Variants in ERICH1 observed in about 807,000 individuals in gnomAD.
The protein encoded by ERICH1 is glutamate rich 1, also known as glutamate-rich protein 1.
A neutral mutation model predicts 39.6 loss-of-function variants in ERICH1; 56 were observed. The ratio of observed to expected loss-of-function variants is 1.41; its 90% CI spans 1.14 to 1.77. The LOEUF (loss-of-function observed/expected upper bound fraction) is 1.77. Among genes scored for constraint, ERICH1 ranks in the 40% most tolerant of loss-of-function variants. ERICH1 has a pLI of 0.00. For missense variants in ERICH1, 826 were observed against 575.4 expected (o/e 1.44, Z -4.45); for synonymous variants, 313 against 223.6 (o/e 1.40, Z -3.57).
chr8:645,670 A>G lies in ERICH1; in HGVS notation c.976+22928T>C, dbSNP rs1486496746. 2.6e-4 allele frequency among the ~76,000 whole-genome samples: 18 copies of G among 68,032 alleles called. 6 individuals carry two copies. The highest frequency in any genetic ancestry group is 6.6e-4 in the African/African-American group (18 of 27,078). 44.6% of individuals were successfully genotyped at this position (68,032 alleles called of 152,430 possible). A position where few individuals can be genotyped will look rare whatever the true frequency, so the allele number is the denominator to read the frequency against. ...CCGTGGAGGCTTGGGAGTTGGCAGA[A>G]TTTGTATTTCTGTAATTTTGCTTTG... On this transcript the variant is annotated intron_variant, in intron 3 of 3. Transcript: ENST00000522706.
chr8:656,241 G>C (rs1469742113), intron 3 of ERICH1, among the ~76,000 whole-genome samples: 2 of 152,080 alleles, frequency 1.3e-5, no homozygotes, highest in Non-Finnish European at 2.9e-5. Flanking sequence ...CTCCCGTCTG[G>C]GTGCTCAGTG....
At chr8:627,298 C>A in intron 3 of ERICH1, 1 of 434,502 alleles carries the variant, frequency 2.3e-6, no homozygotes, top group Non-Finnish European at 4.8e-6. Flanking sequence ...TATAACAGGC[C>A]AGGGGCTGGC....
chr8:658,222 G>T (rs1800918288), intron 3 of ERICH1, among the ~76,000 whole-genome samples: 1 of 152,212 alleles, frequency 6.6e-6, no homozygotes, highest in Non-Finnish European at 1.5e-5. Context: ...GGAGGGCCCA[G>T]CCTGGCCCCT....
In ERICH1 at chr8:674,501, G is replaced by A. The variant is rs565289632; in HGVS notation, c.305-454C>T. Among the ~76,000 whole-genome samples the A allele has an allele frequency of 8.4e-4, 127 of 151,990 alleles. 1 individual carries two copies. The highest frequency in any genetic ancestry group is 3.4e-3 in the Middle Eastern group (1 of 294). On this transcript the variant is annotated intron_variant, in intron 3 of 5. Transcript: ENST00000262109. ...TTATTTTCAGTAGAGACGGGGTTTCGCCATGTTGGCCAGGGTTGTCTCAAA... is the reference window on the plus strand; with the variant it reads ...TTATTTTCAGTAGAGACGGGGTTTCACCATGTTGGCCAGGGTTGTCTCAAA...
chr8:615,918 G>C (rs1460586924), intron 3 of ERICH1: 1 of 152,548 alleles, frequency 6.6e-6, no homozygotes, highest in East Asian at 1.9e-4. Flanking sequence ...GCAGCACAGA[G>C]AACCTAGGGA....
At chr8:629,253 G>C (rs1379009862) in intron 3 of ERICH1, among the ~76,000 whole-genome samples, 1 of 152,180 alleles carries the variant, frequency 6.6e-6, no homozygotes, top group Non-Finnish European at 1.5e-5. Context: ...CCAGGATGCA[G>C]GTGGAACACA....
chr8:660,928 G>A (rs1234722535), downstream of ERICH1, among the ~76,000 whole-genome samples: 1 of 152,102 alleles, frequency 6.6e-6, no homozygotes, highest in Non-Finnish European at 1.5e-5. Flanking sequence ...GTCCTGGGCG[G>A]TTCTCAGGCT....
chr8:674,373 G>A (rs1225991341), intron 3 of ERICH1, among the ~76,000 whole-genome samples: 2 of 149,310 alleles, frequency 1.3e-5, no homozygotes, highest in Non-Finnish European at 3.0e-5. Flanking sequence ...AACAATCTCG[G>A]CTCACTGCAA....
At chr8:675,092 C>G (rs1228558437) in intron 3 of ERICH1, among the ~76,000 whole-genome samples, 1 of 152,110 alleles carries the variant, frequency 6.6e-6, no homozygotes, top group Non-Finnish European at 1.5e-5. Flanking sequence ...ATGGCAGTCT[C>G]AACACCTCAG....
intron 1 of ERICH1, among the ~76,000 whole-genome samples, chr8:724,137 T>G (rs1350292049): frequency 1.3e-5 from 2 of 152,222 alleles, no homozygotes; most frequent in East Asian, 3.9e-4. Context: ...ATGACCGATC[T>G]GACATGGGAT....
At chr8:624,306 T>G (rs1399279426) in intron 3 of ERICH1, among the ~76,000 whole-genome samples, 1 of 152,186 alleles carries the variant, frequency 6.6e-6, no homozygotes. Context: ...AAATGCATAC[T>G]TTCCTGATAA....
At chr8:719,643 C>A (rs75777967) in intron 1 of ERICH1, among the ~76,000 whole-genome samples, 2 of 152,220 alleles carry the variant, frequency 1.3e-5, no homozygotes, top group South Asian at 4.1e-4. Flanking sequence ...TGGGTCCTGG[C>A]GGTGGCAGAC....
intron 3 of ERICH1, chr8:616,200 T>A (rs968456031): frequency 9.3e-6 from 2 of 214,344 alleles, no homozygotes; most frequent in African/African-American, 4.7e-5. Context: ...TTCCGTAACC[T>A]GAAAAGTGTA....
chr8:661,128 C>T (rs1268299759), downstream of ERICH1, among the ~76,000 whole-genome samples: 2 of 152,290 alleles, frequency 1.3e-5, no homozygotes, highest in South Asian at 2.1e-4. Flanking sequence ...AATATTGGTG[C>T]GAGGCGGGGC....
At chr8:628,800 C>G (rs1337760805) in intron 3 of ERICH1, among the ~76,000 whole-genome samples, 4 of 152,226 alleles carry the variant, frequency 2.6e-5, no homozygotes, top group Admixed American at 6.5e-5. Flanking sequence ...CTTTCAGAAG[C>G]TTTCATGAAC....
chr8:725,763 C>G (rs1046755463), intron 1 of ERICH1: 28 of 153,242 alleles, frequency 1.8e-4, no homozygotes, highest in African/African-American at 5.8e-4. Context: ...CATGCACCAA[C>G]ACTCCCGCAG....
chr8:629,105 C>CTCCTT (rs1797765299), intron 3 of ERICH1, among the ~76,000 whole-genome samples: 1 of 152,182 alleles, frequency 6.6e-6, no homozygotes, highest in Non-Finnish European at 1.5e-5. Context: ...TAGGGACAAG[C>CTCCTT]TCCTTTCTGT....
rs1238737332 is a variant in ERICH1 at position 648,168 on chromosome 8, T to G, written c.976+20430A>C. On this transcript the variant is annotated intron_variant, in intron 3 of 3. Coordinates refer to the ERICH1 transcript ENST00000522706. ...GGCACGACACTGCTCACCTGAAGGC[T>G]GCTGTGGCCTGAATGCGTCCCCTCC... is the stretch of plus-strand genomic sequence containing the variant. 1.8e-4 allele frequency among the ~76,000 whole-genome samples: 12 copies of G among 67,384 alleles called. 5 individuals carry two copies. Among genetic ancestry groups the G allele is most frequent in the African/African-American group, 4.6e-4 (12 of 25,856 alleles). The allele number at this position is 67,384 out of a possible 152,430, so 44.2% of individuals were successfully genotyped here. A position where few individuals can be genotyped will look rare whatever the true frequency, so the allele number is the denominator to read the frequency against.
At position 616,960 on chromosome 8, in the gene ERICH1, CACACAGAGAG is replaced by C. The variant is rs1796957595; in HGVS notation, c.977-1686_977-1677del. On this transcript the variant is annotated intron_variant, in intron 3 of 3. Coordinates refer to the ERICH1 transcript ENST00000522706. ...AGAGAGAGGGAGAGGGAGACAGAGA[CACACAGAGAG>C]AGAGAGAGAGAGACATTGGTTATAT... is the stretch of plus-strand genomic sequence containing the variant. Among the ~76,000 whole-genome samples the C allele has an allele frequency of 2.0e-4, 2 of 9,944 alleles. 1 individual carries two copies. Among genetic ancestry groups the C allele is most frequent in the African/African-American group, 4.7e-3 (2 of 430 alleles). The allele number at this position is 9,944 out of a possible 152,430, so 6.5% of individuals were successfully genotyped here.
Sources: gnomAD v4.1 joint callset for allele counts (sites outside exome capture counted in the v4.1 genomes callset) on GRCh38, gnomAD v4.1.1 for gene constraint, MANE v1.5 for transcripts, NCBI Gene and HGNC (gene_info 2026-07-23, HGNC 2026-07-21) for gene names.